Variants in PDZD2 observed in about 807,000 individuals in gnomAD.
PDZD2 encodes PDZ domain-containing protein 2.
PDZD2 carries 90 observed loss-of-function variants against 220.7 expected under a neutral mutation model. The ratio of observed to expected loss-of-function variants is 0.41; its 90% CI spans 0.34 to 0.49. The LOEUF is 0.49. Ranked by LOEUF, PDZD2 falls within the 20% of genes least tolerant of loss-of-function variation. The pLI is 0.28. For missense variants in PDZD2, 3,174 were observed against 3,608.5 expected, an observed-to-expected ratio of 0.88 and a Z score of 3.08; for synonymous variants, 1,375 against 1,450.5, an observed-to-expected ratio of 0.95 and a Z score of 1.18.
At chr5:31,977,489 G>A (rs915158656) in intron 2 of PDZD2, among the ~76,000 whole-genome samples, 14 of 152,028 alleles carry the variant, frequency 9.2e-5, no homozygotes. Flanking sequence ...TATTCCTCCA[G>A]CTGTTCTAAG....
rs1448115190 is a variant in PDZD2 at position 31,723,868 on chromosome 5, T to C, written c.-360-75021T>C. Among the ~76,000 whole-genome samples the C allele has an allele frequency of 4.6e-5, 7 of 152,200 alleles. No homozygotes were observed. The East Asian group carries it at 1.4e-3, about 29-fold the overall frequency. ...CCTGATCTCAGGCGATCCGCCCACC[T>C]CGACCTCCCAAAGTGCTGGGATTAC... On this transcript the variant is annotated intron_variant, in intron 1 of 24. Transcript: ENST00000438447.
intron 1 of PDZD2, among the ~76,000 whole-genome samples, chr5:31,728,943 C>T (rs932727847): frequency 6.6e-6 from 1 of 152,174 alleles, no homozygotes; most frequent in Non-Finnish European, 1.5e-5. Context: ...CAACCTGTGC[C>T]TCCTGGGTTC....
intron 1 of PDZD2, among the ~76,000 whole-genome samples, chr5:31,727,151 C>T (rs1749195686): frequency 6.6e-6 from 1 of 152,192 alleles, no homozygotes. Flanking sequence ...CCAGGCCCCA[C>T]CTCCAGCGCT....
At chr5:31,727,443 A>G (rs970121403) in intron 1 of PDZD2, among the ~76,000 whole-genome samples, 1 of 151,138 alleles carries the variant, frequency 6.6e-6, no homozygotes, top group Non-Finnish European at 1.5e-5. Flanking sequence ...GCGGTGGCTC[A>G]CGCCTGTAAT....
intron 2 of PDZD2, among the ~76,000 whole-genome samples, chr5:31,809,778 G>A (rs551035681): frequency 7.2e-4 from 110 of 152,134 alleles, no homozygotes; most frequent in Non-Finnish European, 1.4e-3. Flanking sequence ...TTGTTTTTAT[G>A]AGGGAAGAGA....
chr5:32,029,217 G>A (rs552032858), intron 6 of PDZD2, among the ~76,000 whole-genome samples: 2 of 147,510 alleles, frequency 1.4e-5, no homozygotes, highest in Non-Finnish European at 3.0e-5. Flanking sequence ...TTGTCCCCAC[G>A]CCCTTAACAT....
chr5:31,931,615 A>G (rs1437746509), intron 2 of PDZD2, among the ~76,000 whole-genome samples: 1 of 152,010 alleles, frequency 6.6e-6, no homozygotes, highest in Non-Finnish European at 1.5e-5. Flanking sequence ...TAGATGGGAT[A>G]ATCCAGGTGA....
intron 1 of PDZD2, among the ~76,000 whole-genome samples, chr5:31,775,489 T>C (rs552297870): frequency 1.3e-5 from 2 of 152,302 alleles, no homozygotes; most frequent in Non-Finnish European, 2.9e-5. Context: ...TTGTCACTCA[T>C]TTCCCTTGGC....
chr5:31,915,638 T>A (rs569654962), intron 2 of PDZD2, among the ~76,000 whole-genome samples: 31 of 152,322 alleles, frequency 2.0e-4, no homozygotes, highest in African/African-American at 7.2e-4. Flanking sequence ...GGGCCCAGGA[T>A]GTGAGAGAAG....
intron 2 of PDZD2, among the ~76,000 whole-genome samples, chr5:31,889,695 G>A (rs1031923948): frequency 2.6e-5 from 4 of 152,076 alleles, no homozygotes; most frequent in Non-Finnish European, 5.9e-5. Context: ...TACTGTGTCC[G>A]AGTAAGGGAC....
chr5:31,782,219 T>G (rs1753100264), intron 1 of PDZD2, among the ~76,000 whole-genome samples: 1 of 152,194 alleles, frequency 6.6e-6, no homozygotes, highest in Admixed American at 6.5e-5. Context: ...GACAGTTTAA[T>G]TTGAATTTCA....
chr5:31,728,780 CATT>C (rs1749328865), intron 1 of PDZD2, among the ~76,000 whole-genome samples: 1 of 152,202 alleles, frequency 6.6e-6, no homozygotes, highest in African/African-American at 2.4e-5. Flanking sequence ...TTTTATGCAT[CATT>C]ATTGATTAAT....
chr5:32,045,237 A>G (rs1277500077), intron 7 of PDZD2, among the ~76,000 whole-genome samples: 1 of 152,172 alleles, frequency 6.6e-6, no homozygotes, highest in Non-Finnish European at 1.5e-5. Context: ...AACTCTTTCC[A>G]CTAAGGTTTT....
intron 2 of PDZD2, among the ~76,000 whole-genome samples, chr5:31,829,627 A>G (rs1756440493): frequency 6.6e-6 from 1 of 152,024 alleles, no homozygotes; most frequent in African/African-American, 2.4e-5. Context: ...CAGCTTAGTG[A>G]ATTTTTATAT....
At chr5:31,738,814 A>G (rs921433375) in intron 1 of PDZD2, among the ~76,000 whole-genome samples, 5 of 152,204 alleles carry the variant, frequency 3.3e-5, no homozygotes, top group African/African-American at 9.6e-5. Context: ...AGGGAGCCCC[A>G]TCTCTTTAGA....
chr5:31,662,235 C>T lies in PDZD2; in HGVS notation c.-361+22798C>T, dbSNP rs529991573. 7.9e-5 allele frequency among the ~76,000 whole-genome samples: 12 copies of T among 152,182 alleles called. No individual in the cohort carries two copies. The East Asian group carries it at 1.7e-3, about 22-fold the overall frequency. Reference sequence around the variant, plus strand: ...CTGAGGAAGGAGAATCACTTGAACCCGGGAGGCAGAGGTTGCAGTGGGCTG... The same window carrying T: ...CTGAGGAAGGAGAATCACTTGAACCTGGGAGGCAGAGGTTGCAGTGGGCTG... On this transcript the variant is annotated intron_variant, in intron 1 of 24. Transcript: ENST00000438447.
intron 1 of PDZD2, among the ~76,000 whole-genome samples, chr5:31,707,664 G>A (rs1222022671): frequency 6.6e-6 from 1 of 152,248 alleles, no homozygotes; most frequent in African/African-American, 2.4e-5. Context: ...GCCTCACTCT[G>A]TTGCCCAGGC....
At chr5:31,750,621 G>C (rs183574016) in intron 1 of PDZD2, among the ~76,000 whole-genome samples, 4 of 152,148 alleles carry the variant, frequency 2.6e-5, no homozygotes, top group Non-Finnish European at 5.9e-5. Flanking sequence ...GGGAAGGTCC[G>C]AGTGGGTGCT....
chr5:32,092,646 TCCAGCATTGGTC>T (rs1355739395), intron 20 of PDZD2, among the ~76,000 whole-genome samples: 1 of 152,220 alleles, frequency 6.6e-6, no homozygotes, highest in East Asian at 1.9e-4. Flanking sequence ...CCTGTTAAGC[TCCAGCATTGGTC>T]CCATAACTTC....
Sources: gnomAD v4.1 joint callset for allele counts (sites outside exome capture counted in the v4.1 genomes callset) on GRCh38, gnomAD v4.1.1 for gene constraint, MANE v1.5 for transcripts, NCBI Gene and HGNC (gene_info 2026-07-23, HGNC 2026-07-21) for gene names.